The following FAM193A variants were observed in gnomAD, a reference collection of about 807,000 sequenced individuals.
FAM193A encodes family with sequence similarity 193 member A.
A neutral mutation model predicts 126.5 loss-of-function variants in FAM193A; 22 were observed. The observed-to-expected ratio is 0.17, with a 90% CI of 0.12 to 0.25. The LOEUF (loss-of-function observed/expected upper bound fraction) is 0.25. Among genes scored for constraint, FAM193A ranks in the 10% least tolerant of loss-of-function variants. The pLI is 1.00. For missense variants in FAM193A, 1,675 were observed against 1,672.8 expected (o/e 1.00, Z -0.02); for synonymous variants, 761 against 646.8 (o/e 1.18, Z -2.68).
intron 2 of FAM193A, among the ~76,000 whole-genome samples, chr4:2,616,623 G>A (rs1742203634): frequency 6.6e-6 from 1 of 151,290 alleles, no homozygotes; most frequent in South Asian, 2.1e-4. Flanking sequence ...AGTGGCGAGT[G>A]ATCTCTGCTC....
intron 13 of FAM193A, among the ~76,000 whole-genome samples, chr4:2,681,630 A>G (rs1045102579): frequency 4.6e-5 from 7 of 151,936 alleles, no homozygotes; most frequent in South Asian, 2.1e-4. Context: ...CTGTCTGTCT[A>G]TGTATTTATT....
chr4:2,619,189 C>A (rs1280880977), intron 2 of FAM193A, among the ~76,000 whole-genome samples: 1 of 152,108 alleles, frequency 6.6e-6, no homozygotes, highest in East Asian at 1.9e-4. Context: ...TTTCTCTTCC[C>A]ATCGTGTTTA....
chr4:2,711,179 T>C (rs1471491931), intron 19 of FAM193A, among the ~76,000 whole-genome samples: 2 of 151,796 alleles, frequency 1.3e-5, no homozygotes, highest in Non-Finnish European at 2.9e-5. Flanking sequence ...TTTACTTTCT[T>C]GGGGTTTTTT....
At position 2,657,819 on chromosome 4, in the gene FAM193A, A is replaced by G. The variant is rs772440185; in HGVS notation, c.1328A>G (p.Lys443Arg). ...CCTTACTAGATGACAATGAAAACCA[A>G]GCAGCGCATGTTAACAGAAGACTGG... ...YVDEQMTMKT[K>R]QRMLTEDWEL... is the part of the protein sequence containing the mutation. Residue 443 changes from lysine (K) to arginine (R), a missense_variant, in exon 8 of 21, where the codon AAG becomes AGG. Lys to Arg is a conservative substitution (Grantham distance 26). This residue lies in a region of FAM193A where 1,186 missense variants were observed against 1,109.2 expected (regional missense o/e 1.07). Coordinates refer to ENST00000637812, the MANE Select transcript of FAM193A (RefSeq NM_001366318.2). The G allele has an allele frequency of 1.9e-6, 3 of 1,611,380 alleles. No individual in the cohort carries two copies. The Admixed American group carries it at 5.0e-5, about 27-fold the overall frequency.
intron 13 of FAM193A, among the ~76,000 whole-genome samples, chr4:2,680,646 TTAC>T (rs1714999975): frequency 6.6e-6 from 1 of 150,634 alleles, no homozygotes; most frequent in African/African-American, 2.5e-5. Flanking sequence ...CAATACTTAC[TTAC>T]TTTTTTTTTT....
intron 2 of FAM193A, among the ~76,000 whole-genome samples, chr4:2,607,436 A>G (rs1013816858): frequency 1.3e-5 from 2 of 152,170 alleles, no homozygotes; most frequent in African/African-American, 4.8e-5. Context: ...CAAATTTGAA[A>G]ATAGTTTTGA....
chr4:2,599,458 T>C (rs1019694513), intron 2 of FAM193A, among the ~76,000 whole-genome samples: 2 of 152,174 alleles, frequency 1.3e-5, no homozygotes, highest in Admixed American at 1.3e-4. Flanking sequence ...TCCTGCAGCT[T>C]TCTGCATCCA....
At chr4:2,668,406 G>A (rs949054128) in intron 12 of FAM193A, among the ~76,000 whole-genome samples, 1 of 151,896 alleles carries the variant, frequency 6.6e-6, no homozygotes, top group Non-Finnish European at 1.5e-5. Flanking sequence ...TAGAGACAAT[G>A]TTTTGCCACT....
intron 7 of FAM193A, among the ~76,000 whole-genome samples, chr4:2,651,645 A>T (rs1745678767): frequency 6.6e-6 from 1 of 152,198 alleles, no homozygotes. Flanking sequence ...TTACAGTTTG[A>T]CATGAGATTT....
intron 13 of FAM193A, among the ~76,000 whole-genome samples, chr4:2,680,661 A>G (rs185836497): frequency 7.4e-5 from 11 of 149,170 alleles, no homozygotes; most frequent in African/African-American, 2.5e-4. Flanking sequence ...TTTTTTTTTG[A>G]GACGGAGTCT....
At chr4:2,652,301 C>G (rs1745746807) in intron 7 of FAM193A, among the ~76,000 whole-genome samples, 1 of 152,150 alleles carries the variant, frequency 6.6e-6, no homozygotes, top group Non-Finnish European at 1.5e-5. Context: ...GAATGGAACT[C>G]CCACCTCCCT....
intron 1 of FAM193A, among the ~76,000 whole-genome samples, chr4:2,582,011 G>GT (rs971331180): frequency 6.7e-4 from 102 of 152,004 alleles, no homozygotes; most frequent in Admixed American, 6.7e-3. Flanking sequence ...GTTAAAAGCT[G>GT]TTTTTTTCTT....
chr4:2,640,426 C>T (rs1744499474), intron 6 of FAM193A, among the ~76,000 whole-genome samples: 1 of 152,096 alleles, frequency 6.6e-6, no homozygotes, highest in African/African-American at 2.4e-5. Context: ...TGCTCGGGGT[C>T]AGAGTGAGAA....
At chr4:2,603,273 C>T (rs990632471) in intron 2 of FAM193A, among the ~76,000 whole-genome samples, 26 of 113,584 alleles carry the variant, frequency 2.3e-4, no homozygotes, top group East Asian at 7.6e-4. Flanking sequence ...TGTGAGCCAC[C>T]GCGCCTGGCT....
At chr4:2,585,284 C>T (rs1047142881) in intron 1 of FAM193A, among the ~76,000 whole-genome samples, 1 of 152,180 alleles carries the variant, frequency 6.6e-6, no homozygotes, top group Non-Finnish European at 1.5e-5. Flanking sequence ...TGTATTTTCA[C>T]AGTCTTCATG....
Position 2,689,471 on chromosome 4 carries a change from A to C in FAM193A, c.2332-35A>C, listed in dbSNP as rs540060356. 4 of 1,481,416 alleles carry C rather than the reference A, an allele frequency of 2.7e-6. No individual in the cohort carries two copies. The African/African-American group carries it at 5.8e-5, about 21-fold the overall frequency. 91.8% of individuals were successfully genotyped at this position (1,481,416 alleles called of 1,614,324 possible). ...ACTTACCTAGGTAAACAGAATATTAATTTTGATATGTGATTAGAAAATTTT... is the reference window on the plus strand; with the variant it reads ...ACTTACCTAGGTAAACAGAATATTACTTTTGATATGTGATTAGAAAATTTT... On this transcript the variant is annotated intron_variant, in intron 13 of 20. Transcript: ENST00000637812.
chr4:2,721,352 G>T (rs972217209), intron 20 of FAM193A, among the ~76,000 whole-genome samples: 1 of 148,478 alleles, frequency 6.7e-6, no homozygotes, highest in South Asian at 2.1e-4. Flanking sequence ...GCCAGGCATG[G>T]TGGTACATGC....
intron 9 of FAM193A, 46 bp from the exon 10 acceptor site, chr4:2,659,766 T>C (rs753162223): frequency 1.9e-6 from 3 of 1,613,870 alleles, no homozygotes; most frequent in Non-Finnish European, 2.5e-6. Context: ...CATGGTCTAG[T>C]CTTGTGCATT....
At chr4:2,599,518 C>T (rs1481590573) in intron 2 of FAM193A, among the ~76,000 whole-genome samples, 1 of 152,204 alleles carries the variant, frequency 6.6e-6, no homozygotes, top group Non-Finnish European at 1.5e-5. Context: ...ATTCTGTTAT[C>T]AGCAGTTGTA....
Sources: gnomAD v4.1 joint callset for allele counts (sites outside exome capture counted in the v4.1 genomes callset) on GRCh38, gnomAD v4.1.1 for gene constraint, gnomAD v4.1.1 regional missense constraint, MANE v1.5 for transcripts, NCBI Gene and HGNC (gene_info 2026-07-23, HGNC 2026-07-21) for gene names.